The following BNC2 variants were observed in gnomAD, a reference collection of about 807,000 sequenced individuals.
The protein encoded by BNC2 is zinc finger protein basonuclin-2.
Under a neutral mutation model 76.3 loss-of-function variants are expected in BNC2, and 20 were observed. The ratio of observed to expected loss-of-function variants is 0.26; its 90% CI spans 0.18 to 0.38. The LOEUF is 0.38. Among genes scored for constraint, BNC2 ranks in the 10% least tolerant of loss-of-function variants. BNC2 has a pLI of 1.00. For missense variants in BNC2, 1,382 were observed against 1,399.8 expected (o/e 0.99, Z 0.20); for synonymous variants, 582 against 514.8 (o/e 1.13, Z -1.77).
chr9:16,851,970 A>G (rs1438371662), intron 1 of BNC2, among the ~76,000 whole-genome samples: 2 of 148,788 alleles, frequency 1.3e-5, no homozygotes, highest in African/African-American at 5.2e-5. Context: ...ATACACATTC[A>G]TGCTGAATCT....
chr9:16,678,864 A>G (rs536589646), intron 3 of BNC2, among the ~76,000 whole-genome samples: 1 of 152,276 alleles, frequency 6.6e-6, no homozygotes, highest in East Asian at 1.9e-4. Context: ...CTCCTTCGGT[A>G]GTGCCTGAAA....
At chr9:16,604,492 T>C (rs1563859312) in intron 3 of BNC2, among the ~76,000 whole-genome samples, 1 of 152,166 alleles carries the variant, frequency 6.6e-6, no homozygotes, top group South Asian at 2.1e-4. Flanking sequence ...CACTGAATTA[T>C]ATACTTTAAA....
chr9:16,566,047 CTTCT>C (rs2132753175), intron 4 of BNC2, among the ~76,000 whole-genome samples: 1 of 152,234 alleles, frequency 6.6e-6, no homozygotes, highest in Admixed American at 6.5e-5. Context: ...AAGTGTCTTT[CTTCT>C]TTCTTATTAA....
chr9:16,795,713 G>C (rs1817629350), intron 1 of BNC2, among the ~76,000 whole-genome samples: 1 of 152,146 alleles, frequency 6.6e-6, no homozygotes, highest in Admixed American at 6.5e-5. Context: ...ATTGTCATGA[G>C]TTTGGTTCCC....
At chr9:16,713,637 T>TA (rs1231959277) in intron 3 of BNC2, among the ~76,000 whole-genome samples, 1 of 152,086 alleles carries the variant, frequency 6.6e-6, no homozygotes, top group Non-Finnish European at 1.5e-5. Context: ...TATGTCAACT[T>TA]AGAAATAACT....
At chr9:16,799,664 T>C (rs946786298) in intron 1 of BNC2, among the ~76,000 whole-genome samples, 1 of 152,084 alleles carries the variant, frequency 6.6e-6, no homozygotes, top group African/African-American at 2.4e-5. Context: ...CTAACTCAAA[T>C]TTCCCCAGTA....
intron 4 of BNC2, among the ~76,000 whole-genome samples, chr9:16,560,470 G>T (rs1184807308): frequency 6.6e-6 from 1 of 152,122 alleles, no homozygotes; most frequent in African/African-American, 2.4e-5. Flanking sequence ...TCAATGCTTT[G>T]GGAGGCTAAG....
intron 1 of BNC2, among the ~76,000 whole-genome samples, chr9:16,846,186 C>T (rs1818979998): frequency 6.6e-6 from 1 of 151,034 alleles, no homozygotes; most frequent in African/African-American, 2.4e-5. Flanking sequence ...AAAAGAGCTA[C>T]GTTTGAAATA....
intron 1 of BNC2, among the ~76,000 whole-genome samples, chr9:16,755,629 G>A (rs1378223263): frequency 6.6e-6 from 1 of 151,966 alleles, no homozygotes; most frequent in Non-Finnish European, 1.5e-5. Context: ...GCTAGTAAAT[G>A]TCTATATTTA....
intron 3 of BNC2, among the ~76,000 whole-genome samples, chr9:16,683,572 C>G (rs1017052053): frequency 1.7e-4 from 26 of 152,170 alleles, no homozygotes; most frequent in African/African-American, 2.6e-4. Context: ...CTATGCTGAA[C>G]AATAAGAAAT....
intron 3 of BNC2, among the ~76,000 whole-genome samples, chr9:16,702,699 G>A (rs1823550016): frequency 6.6e-6 from 1 of 152,126 alleles, no homozygotes; most frequent in Non-Finnish European, 1.5e-5. Context: ...TGGAGAATAA[G>A]CCACAGAGCA....
intron 1 of BNC2, among the ~76,000 whole-genome samples, chr9:16,780,043 T>C (rs1033200878): frequency 5.2e-4 from 79 of 151,250 alleles, no homozygotes; most frequent in Admixed American, 7.2e-4. Flanking sequence ...GAGACCATCC[T>C]GGCTAACATG....
chr9:16,866,654 T>C (rs925707813), intron 1 of BNC2, among the ~76,000 whole-genome samples: 3 of 131,622 alleles, frequency 2.3e-5, no homozygotes, highest in African/African-American at 9.1e-5. Context: ...CTTTTGCTTC[T>C]GTCACTTTTA....
At chr9:16,597,621 AT>A (rs1194989094) in intron 3 of BNC2, among the ~76,000 whole-genome samples, 2 of 152,108 alleles carry the variant, frequency 1.3e-5, no homozygotes, top group Non-Finnish European at 2.9e-5. Context: ...GGAATGTGTT[AT>A]TTCATGGAAA....
intron 4 of BNC2, among the ~76,000 whole-genome samples, chr9:16,574,371 A>G (rs1281954732): frequency 1.3e-5 from 2 of 152,216 alleles, no homozygotes; most frequent in African/African-American, 2.4e-5. Context: ...AAATTCACCT[A>G]CTTATAGCTT....
chr9:16,522,456 G>C (rs1229004867), intron 5 of BNC2, among the ~76,000 whole-genome samples: 7 of 152,124 alleles, frequency 4.6e-5, no homozygotes, highest in African/African-American at 1.7e-4. Context: ...CTTAGCTAGA[G>C]ACATATGAAG....
chr9:16,736,133 C>T (rs1824660043), intron 2 of BNC2, among the ~76,000 whole-genome samples: 1 of 151,186 alleles, frequency 6.6e-6, no homozygotes, highest in Admixed American at 6.6e-5. Flanking sequence ...ACTCGGGAAG[C>T]TGAGGCAGGA....
At chr9:16,577,505 C>G (rs2132965501) in intron 4 of BNC2, among the ~76,000 whole-genome samples, 1 of 152,064 alleles carries the variant, frequency 6.6e-6, no homozygotes, top group South Asian at 2.1e-4. Context: ...TGAAGGCTAC[C>G]TGGCACAATC....
chr9:16,666,078 GACA>G (rs1390391435), intron 3 of BNC2, among the ~76,000 whole-genome samples: 1 of 152,020 alleles, frequency 6.6e-6, no homozygotes, highest in Admixed American at 6.6e-5. Context: ...CTACTTCATT[GACA>G]ACTACTTTCA....
Sources: allele counts gnomAD v4.1 joint callset (sites outside exome capture counted in the v4.1 genomes callset), GRCh38; gene constraint gnomAD v4.1.1; transcripts MANE v1.5; gene names NCBI Gene and HGNC (gene_info 2026-07-23, HGNC 2026-07-21).